EPHX1: variants seen among roughly 807,000 people sequenced by gnomAD.
The protein encoded by EPHX1 is epoxide hydratase.
EPHX1 carries 40 observed loss-of-function variants against 43.2 expected under a neutral mutation model. The ratio of observed to expected loss-of-function variants is 0.93; its 90% confidence interval spans 0.72 to 1.21. The LOEUF is 1.21. Among genes scored for constraint, EPHX1 ranks in the 50% most tolerant of loss-of-function variants. The pLI is 0.00. For synonymous variants in EPHX1, 221 were observed against 226.7 expected (o/e 0.98, Z 0.22); for missense variants, 550 against 570.4 (o/e 0.96, Z 0.36).
In EPHX1 at chr1:225,845,463, G is replaced by C; in HGVS notation, c.*116G>C. 9.1e-7 allele frequency: 1 copy of C among 1,103,058 alleles called. No homozygotes were observed. Among genetic ancestry groups the C allele is most frequent in the Non-Finnish European group, 1.3e-6 (1 of 768,204 alleles). 68.3% of individuals were successfully genotyped at this position (1,103,058 alleles called of 1,614,324 possible). On this transcript the variant is annotated 3_prime_UTR_variant, in exon 9 of 9. Transcript: ENST00000272167. The stretch of plus-strand genomic sequence containing the variant: ...TGCCTCCGTCCCCTGCCCATGCTGG[G>C]AGCCCACGCTCACCCCCTCACCCCT...
intron 1 of EPHX1, among the ~76,000 whole-genome samples, chr1:225,812,705 C>T (rs548554637): frequency 5.3e-5 from 8 of 152,306 alleles, no homozygotes; most frequent in African/African-American, 1.2e-4. Flanking sequence ...TCAGTTCTTA[C>T]GCCAAGAGGT....
At chr1:225,834,763 T>C (rs962420266) in intron 3 of EPHX1, among the ~76,000 whole-genome samples, 2 of 152,196 alleles carry the variant, frequency 1.3e-5, no homozygotes, top group African/African-American at 4.8e-5. Flanking sequence ...AGGTTCCTGT[T>C]TGGATTCCTG....
At chr1:225,836,318 G>T (rs1038552763) in intron 3 of EPHX1, among the ~76,000 whole-genome samples, 1 of 152,242 alleles carries the variant, frequency 6.6e-6, no homozygotes, top group African/African-American at 2.4e-5. Context: ...TCCTGGCCGG[G>T]TGTGGTGGCT....
intron 3 of EPHX1, among the ~76,000 whole-genome samples, chr1:225,832,384 A>C (rs1344378804): frequency 6.6e-6 from 1 of 152,174 alleles, no homozygotes; most frequent in African/African-American, 2.4e-5. Context: ...AGAAATACAA[A>C]AAATAGCCAG....
chr1:225,838,914 C>T (rs767621296), intron 4 of EPHX1, 33 bp downstream of exon 4: 18 of 1,603,324 alleles, frequency 1.1e-5, no homozygotes, highest in Admixed American at 1.7e-5. Context: ...ATAACTGCCC[C>T]GTCCTCGCCA....
rs542434391 is a variant in EPHX1 at position 225,839,271 on chromosome 1, G to A, written c.647G>A (p.Gly216Asp). 179 of 1,614,136 alleles carry A rather than the reference G, an allele frequency of 1.1e-4. No homozygotes were observed. The highest frequency in any genetic ancestry group is 9.8e-4 in the Admixed American group (59 of 60,022). ...RIFYKLMLRL[G>D]FQEFYIQGGD... ...TTTTACAAGCTGATGCTGCGGCTGG[G>A]CTTCCAGGAATTCTACATTCAAGGA... Residue 216 changes from glycine to aspartate, a missense_variant, in exon 5 of 9, where the codon GGC becomes GAC. Coordinates refer to ENST00000272167, the MANE Select transcript of EPHX1 (RefSeq NM_001136018.4).
chr1:225,832,738 G>T (rs1430628459), intron 3 of EPHX1, among the ~76,000 whole-genome samples: 1 of 152,116 alleles, frequency 6.6e-6, no homozygotes, highest in Non-Finnish European at 1.5e-5. Context: ...TTCGGTAATG[G>T]TCATCCTAAT....
intron 1 of EPHX1, among the ~76,000 whole-genome samples, chr1:225,826,998 AAGGCGAG>A (rs1212533192): frequency 6.6e-6 from 1 of 152,176 alleles, no homozygotes; most frequent in Non-Finnish European, 1.5e-5. Context: ...CTGCAGGAAT[AAGGCGAG>A]AGCCATCGCC....
intron 3 of EPHX1, among the ~76,000 whole-genome samples, chr1:225,835,870 A>C (rs955307445): frequency 2.6e-5 from 4 of 152,068 alleles, no homozygotes; most frequent in African/African-American, 9.7e-5. Context: ...TTATGGTACA[A>C]AACCTCCCTC....
At chr1:225,835,933 T>C (rs1667938796) in intron 3 of EPHX1, among the ~76,000 whole-genome samples, 1 of 152,154 alleles carries the variant, frequency 6.6e-6, no homozygotes, top group African/African-American at 2.4e-5. Flanking sequence ...CATCGTGGAC[T>C]TACCCATGTG....
At chr1:225,811,134 C>T (rs1194497523) in intron 1 of EPHX1, among the ~76,000 whole-genome samples, 1 of 152,154 alleles carries the variant, frequency 6.6e-6, no homozygotes, top group East Asian at 1.9e-4. Context: ...GTAGTTGAAG[C>T]CAGGGAATGT....
At chr1:225,839,465 G>T in intron 5 of EPHX1, 119 bp downstream of exon 5, 1 of 1,530,322 alleles carries the variant, frequency 6.5e-7, no homozygotes, top group East Asian at 2.4e-5. Flanking sequence ...AGGAGGGAGT[G>T]TGACCTGTCA....
At chr1:225,834,485 A>G (rs1235246560) in intron 3 of EPHX1, among the ~76,000 whole-genome samples, 2 of 151,870 alleles carry the variant, frequency 1.3e-5, no homozygotes, top group Non-Finnish European at 2.9e-5. Flanking sequence ...TTCTGATGCA[A>G]GCAGGCCAGG....
chr1:225,833,237 A>G (rs1667717425), intron 3 of EPHX1, among the ~76,000 whole-genome samples: 1 of 152,260 alleles, frequency 6.6e-6, no homozygotes, highest in South Asian at 2.1e-4. Context: ...GGCCTTTTCA[A>G]GGAACAGTGA....
At chr1:225,837,530 T>C (rs1016368268) in intron 3 of EPHX1, among the ~76,000 whole-genome samples, 1 of 152,224 alleles carries the variant, frequency 6.6e-6, no homozygotes, top group Admixed American at 6.5e-5. Context: ...TTTATTTTAA[T>C]TTTTTGAGAT....
chr1:225,823,283 G>A (rs2102699215), intron 1 of EPHX1, among the ~76,000 whole-genome samples: 2 of 152,092 alleles, frequency 1.3e-5, no homozygotes, highest in South Asian at 4.1e-4. Flanking sequence ...TCACCACCTT[G>A]GCCCCACGAA....
chr1:225,827,316 G>A (rs3766934), intron 1 of EPHX1, among the ~76,000 whole-genome samples: 5 of 152,178 alleles, frequency 3.3e-5, no homozygotes, highest in South Asian at 2.1e-4. Flanking sequence ...TTTCTCCTCC[G>A]TCTGGGTCCT....
Position 225,845,408 on chromosome 1 carries a change from G to A in EPHX1, c.*61G>A. 6.6e-7 allele frequency: 1 copy of A among 1,508,254 alleles called. No individual in the cohort carries two copies. The highest frequency in any genetic ancestry group is 8.9e-7 in the Non-Finnish European group (1 of 1,122,056). The allele number at this position is 1,508,254 out of a possible 1,614,324, so 93.4% of individuals were successfully genotyped here. ...CAAGTGCCCTCCAGGCTTTTCTTGG[G>A]GAAGATACCCCTTTTCTGAGGAATG... On this transcript the variant is annotated 3_prime_UTR_variant, in exon 9 of 9. Transcript: ENST00000272167.
chr1:225,816,315 TTATTC>T (rs1338470419), intron 1 of EPHX1, among the ~76,000 whole-genome samples: 1 of 151,640 alleles, frequency 6.6e-6, no homozygotes, highest in African/African-American at 2.4e-5. Flanking sequence ...AAAAAACAAG[TTATTC>T]TAACTTTTTT....
Sources: allele counts gnomAD v4.1 joint callset (sites outside exome capture counted in the v4.1 genomes callset), GRCh38; gene constraint gnomAD v4.1.1; transcripts MANE v1.5; gene names NCBI Gene and HGNC (gene_info 2026-07-23, HGNC 2026-07-21).